Variants in CNTN5 observed in about 807,000 individuals in gnomAD.
CNTN5 encodes contactin-5.
Under a neutral mutation model 129.1 loss-of-function variants are expected in CNTN5, and 77 were observed. That is an observed-to-expected ratio of 0.60 (90% CI 0.50 to 0.72). The LOEUF (loss-of-function observed/expected upper bound fraction) is 0.72, where lower values mean the gene tolerates loss of function less well. Among genes scored for constraint, CNTN5 ranks in the 30% least tolerant of loss-of-function variants. CNTN5 has a pLI of 0.00. For missense variants in CNTN5, 1,478 were observed against 1,328.8 expected (o/e 1.11, Z -1.75); for synonymous variants, 509 against 465.6 (o/e 1.09, Z -1.20).
intron 17 of CNTN5, among the ~76,000 whole-genome samples, chr11:100,257,355 A>C (rs1012684182): frequency 2.0e-5 from 3 of 152,194 alleles, no homozygotes; most frequent in Non-Finnish European, 4.4e-5. Context: ...AGCTGTGGGC[A>C]CAGCTTCATC....
At chr11:99,288,136 G>A (rs1456547577) in intron 1 of CNTN5, among the ~76,000 whole-genome samples, 2 of 151,880 alleles carry the variant, frequency 1.3e-5, no homozygotes, top group African/African-American at 4.8e-5. Flanking sequence ...AAGCAAAAAT[G>A]TGTATAAGCA....
At chr11:99,712,960 G>A (rs1374027700) in intron 3 of CNTN5, among the ~76,000 whole-genome samples, 1 of 151,956 alleles carries the variant, frequency 6.6e-6, no homozygotes, top group South Asian at 2.1e-4. Context: ...TGGCTAGGTG[G>A]GCTCTTTTTT....
chr11:99,685,101 C>T (rs923755024), intron 3 of CNTN5, among the ~76,000 whole-genome samples: 1 of 151,458 alleles, frequency 6.6e-6, no homozygotes, highest in Non-Finnish European at 1.5e-5. Context: ...ATTTTTCTCA[C>T]ATTTTTGTCA....
chr11:99,930,344 C>T (rs1169772495), intron 7 of CNTN5, among the ~76,000 whole-genome samples: 1 of 152,166 alleles, frequency 6.6e-6, no homozygotes, highest in Non-Finnish European at 1.5e-5. Flanking sequence ...CAAATTCCAC[C>T]ATTTTGACCC....
chr11:99,953,082 C>T (rs1006386727), intron 7 of CNTN5, among the ~76,000 whole-genome samples: 1 of 152,152 alleles, frequency 6.6e-6, no homozygotes, highest in Non-Finnish European at 1.5e-5. Flanking sequence ...AATGTTGAAT[C>T]ACTGTGATTA....
At chr11:99,712,841 T>C (rs181047449) in intron 3 of CNTN5, among the ~76,000 whole-genome samples, 4 of 152,078 alleles carry the variant, frequency 2.6e-5, no homozygotes, top group African/African-American at 7.2e-5. Context: ...GGTCTATATA[T>C]CTGTTGTGGT....
At chr11:99,591,436 C>T (rs941560812) in intron 3 of CNTN5, among the ~76,000 whole-genome samples, 12 of 142,306 alleles carry the variant, frequency 8.4e-5, no homozygotes, top group African/African-American at 2.9e-4. Context: ...CTCCTGGGTT[C>T]GAGCAATTCT....
chr11:99,108,893 G>C (rs1427697771), intron 1 of CNTN5, among the ~76,000 whole-genome samples: 1 of 151,888 alleles, frequency 6.6e-6, no homozygotes, highest in Non-Finnish European at 1.5e-5. Flanking sequence ...TGTTTTGATA[G>C]CAGCACAATG....
chr11:100,152,927 T>C (rs904612896), intron 13 of CNTN5, among the ~76,000 whole-genome samples: 3 of 152,068 alleles, frequency 2.0e-5, no homozygotes, highest in Non-Finnish European at 4.4e-5. Flanking sequence ...CCTCAGGGCA[T>C]GCCCTGAGCA....
chr11:99,099,740 C>T (rs990860836), intron 1 of CNTN5, among the ~76,000 whole-genome samples: 1 of 152,080 alleles, frequency 6.6e-6, no homozygotes, highest in Non-Finnish European at 1.5e-5. Flanking sequence ...GGATAATAAG[C>T]CTTTCCTAAA....
At chr11:99,996,495 G>A (rs984783225) in intron 8 of CNTN5, among the ~76,000 whole-genome samples, 3 of 151,926 alleles carry the variant, frequency 2.0e-5, no homozygotes, top group African/African-American at 7.3e-5. Context: ...ATATCCAGAT[G>A]TCAGAAAAAT....
chr11:99,797,467 C>A (rs1945982099), intron 3 of CNTN5, among the ~76,000 whole-genome samples: 1 of 152,086 alleles, frequency 6.6e-6, no homozygotes, highest in Non-Finnish European at 1.5e-5. Context: ...GTAATAACTG[C>A]CATTCTGACT....
intron 13 of CNTN5, among the ~76,000 whole-genome samples, chr11:100,168,909 T>G (rs1203984282): frequency 6.6e-6 from 1 of 151,274 alleles, no homozygotes; most frequent in East Asian, 1.9e-4. Context: ...TAACAGGAGT[T>G]GGAAGAATTT....
At chr11:99,580,519 G>C (rs2726361) in intron 3 of CNTN5, among the ~76,000 whole-genome samples, 138,379 of 152,136 alleles carry the variant, frequency 0.91, 63,094 homozygotes, top group East Asian at 1. Flanking sequence ...CCTGCTATTG[G>C]TCTATTCAGA....
intron 9 of CNTN5, among the ~76,000 whole-genome samples, chr11:100,011,203 C>T (rs1940508932): frequency 6.6e-6 from 1 of 152,238 alleles, no homozygotes; most frequent in South Asian, 2.1e-4. Context: ...CTATAGTTTT[C>T]TGGCAAGTTT....
At chr11:100,283,062 C>T (rs563000881) in intron 18 of CNTN5, among the ~76,000 whole-genome samples, 2 of 152,250 alleles carry the variant, frequency 1.3e-5, no homozygotes, top group African/African-American at 4.8e-5. Flanking sequence ...CCCCAAGAGC[C>T]CTCTTAGTTC....
intron 2 of CNTN5, among the ~76,000 whole-genome samples, chr11:99,361,933 TA>T (rs1467369965): frequency 1.3e-5 from 2 of 152,146 alleles, no homozygotes; most frequent in African/African-American, 4.8e-5. Context: ...CTATTATGAA[TA>T]ACACTGCTGT....
intron 1 of CNTN5, among the ~76,000 whole-genome samples, chr11:99,301,732 A>G (rs1383067251): frequency 2.0e-5 from 3 of 151,696 alleles, no homozygotes; most frequent in Admixed American, 6.6e-5. Context: ...CTATAAACCA[A>G]TTAGTCTACA....
chr11:99,295,739 G>A (rs1046192959), intron 1 of CNTN5, among the ~76,000 whole-genome samples: 10 of 151,792 alleles, frequency 6.6e-5, no homozygotes, highest in African/African-American at 1.5e-4. Flanking sequence ...AGCCGGGCGC[G>A]GTGGCGGGCG....
Sources: allele counts gnomAD v4.1 joint callset (sites outside exome capture counted in the v4.1 genomes callset), GRCh38; gene constraint gnomAD v4.1.1; transcripts MANE v1.5; gene names NCBI Gene and HGNC (gene_info 2026-07-23, HGNC 2026-07-21).